Variants in UNC13C observed in about 807,000 individuals in gnomAD.
UNC13C encodes protein unc-13 homolog C.
UNC13C carries 174 observed loss-of-function variants against 245.4 expected under a neutral mutation model. The ratio of observed to expected loss-of-function variants is 0.71; its 90% CI spans 0.63 to 0.80. The LOEUF (loss-of-function observed/expected upper bound fraction) is 0.80, where lower values mean the gene tolerates loss of function less well. Ranked by LOEUF, UNC13C falls within the 30% of genes least tolerant of loss-of-function variation. The probability of loss-of-function intolerance (pLI) is 0.00; values close to 1 mark genes in which losing one functional copy is unlikely to be tolerated. For missense variants in UNC13C, 2,829 were observed against 2,602.9 expected (o/e 1.09, Z -1.89); for synonymous variants, 992 against 895.1 (o/e 1.11, Z -1.93).
the UNC13C span, among the ~76,000 whole-genome samples, chr15:53,872,246 T>C: frequency 6.6e-6 from 1 of 152,080 alleles, no homozygotes; most frequent in African/African-American, 2.4e-5. Flanking sequence ...GAGGAATATG[T>C]CAGATAGGGA....
At chr15:54,201,647 T>C (rs567918739) in intron 4 of UNC13C, among the ~76,000 whole-genome samples, 8 of 151,976 alleles carry the variant, frequency 5.3e-5, no homozygotes, top group African/African-American at 1.9e-4. Context: ...GCAAAATTGT[T>C]ATAGAAGGGA....
chr15:53,849,489 C>T, the UNC13C span, among the ~76,000 whole-genome samples: 1 of 152,026 alleles, frequency 6.6e-6, no homozygotes, highest in Middle Eastern at 3.2e-3. Context: ...GTCCATTCTA[C>T]TTTTTAGAAC....
the UNC13C span, among the ~76,000 whole-genome samples, chr15:53,957,476 C>A: frequency 3.3e-4 from 50 of 152,202 alleles, no homozygotes; most frequent in East Asian, 8.5e-3. Context: ...GGCAGTGGTT[C>A]CATTTCTTTT....
intron 30 of UNC13C, among the ~76,000 whole-genome samples, chr15:54,579,691 A>G (rs1898117162): frequency 6.6e-6 from 1 of 152,140 alleles, no homozygotes; most frequent in Non-Finnish European, 1.5e-5. Context: ...CCTGGAAGGC[A>G]GAGGTTGCAG....
chr15:54,606,584 G>A (rs1899778559), intron 30 of UNC13C, among the ~76,000 whole-genome samples: 2 of 152,212 alleles, frequency 1.3e-5, no homozygotes, highest in African/African-American at 4.8e-5. Flanking sequence ...TTAACCACCA[G>A]TGTTTGACGA....
chr15:54,197,873 A>G (rs2034406483), intron 4 of UNC13C, among the ~76,000 whole-genome samples: 1 of 152,108 alleles, frequency 6.6e-6, no homozygotes, highest in Non-Finnish European at 1.5e-5. Flanking sequence ...CTGAGACACC[A>G]AAAATCTGTG....
chr15:54,092,474 A>G (rs1462951689), intron 2 of UNC13C, among the ~76,000 whole-genome samples: 1 of 152,118 alleles, frequency 6.6e-6, no homozygotes, highest in African/African-American at 2.4e-5. Context: ...TTCTCATAAC[A>G]CAGTGAGGTA....
intron 17 of UNC13C, among the ~76,000 whole-genome samples, chr15:54,361,077 A>G (rs2140863866): frequency 6.6e-6 from 1 of 152,240 alleles, no homozygotes; most frequent in South Asian, 2.1e-4. Context: ...CATCTCCATT[A>G]GGAATTTTTA....
At chr15:54,017,306 A>G (rs576979994) in intron 2 of UNC13C, among the ~76,000 whole-genome samples, 1 of 152,274 alleles carries the variant, frequency 6.6e-6, no homozygotes, top group African/African-American at 2.4e-5. Context: ...TGCAAATGTA[A>G]TGCATATGGT....
chr15:54,117,767 G>A (rs191905488), intron 2 of UNC13C, among the ~76,000 whole-genome samples: 94 of 152,138 alleles, frequency 6.2e-4, no homozygotes, highest in African/African-American at 2.2e-3. Context: ...TTTTTGTAGA[G>A]ATGGGATTTT....
chr15:54,526,740 G>GAA (rs1164016477), intron 25 of UNC13C, among the ~76,000 whole-genome samples: 2,462 of 62,968 alleles, frequency 0.039, 186 homozygotes, highest in African/African-American at 0.14. Flanking sequence ...ACTCCGTCTA[G>GAA]AAAAAAAAAA....
intron 10 of UNC13C, among the ~76,000 whole-genome samples, chr15:54,269,668 G>A (rs62011966): frequency 0.077 from 11,640 of 152,100 alleles, 525 homozygotes; most frequent in African/African-American, 0.12. Flanking sequence ...GTTCCCACCA[G>A]ACTGGCTAAA....
chr15:54,093,211 A>G (rs1210311597), intron 2 of UNC13C, among the ~76,000 whole-genome samples: 1 of 150,720 alleles, frequency 6.6e-6, no homozygotes, highest in Non-Finnish European at 1.5e-5. Flanking sequence ...AAAAGCCAAA[A>G]TCAATCTTGT....
the UNC13C span, among the ~76,000 whole-genome samples, chr15:53,899,493 A>G: frequency 6.6e-6 from 1 of 152,204 alleles, no homozygotes; most frequent in South Asian, 2.1e-4. Flanking sequence ...CTCTTCCTGA[A>G]TTTCAAGAGA....
intron 22 of UNC13C, among the ~76,000 whole-genome samples, chr15:54,502,176 C>T (rs911089622): frequency 1.3e-5 from 2 of 152,080 alleles, no homozygotes; most frequent in Non-Finnish European, 1.5e-5. Flanking sequence ...ATGCCTCACT[C>T]GCACACACTA....
intron 18 of UNC13C, among the ~76,000 whole-genome samples, chr15:54,406,316 T>C (rs889041533): frequency 6.6e-6 from 1 of 152,174 alleles, no homozygotes; most frequent in African/African-American, 2.4e-5. Context: ...TAAGGATGCT[T>C]CTTTCTTTCC....
chr15:54,591,786 A>G (rs1015807179), intron 30 of UNC13C, among the ~76,000 whole-genome samples: 19 of 151,750 alleles, frequency 1.3e-4, no homozygotes, highest in Non-Finnish European at 2.5e-4. Context: ...ATTTGTTTCA[A>G]TTGCATTTAG....
intron 10 of UNC13C, among the ~76,000 whole-genome samples, chr15:54,279,749 C>T (rs562305904): frequency 1.3e-5 from 2 of 152,282 alleles, no homozygotes; most frequent in East Asian, 3.9e-4. Flanking sequence ...TATTTATTAT[C>T]TCCCTAGAGG....
At chr15:53,862,677 C>G in the UNC13C span, among the ~76,000 whole-genome samples, 1 of 152,098 alleles carries the variant, frequency 6.6e-6, no homozygotes, top group Non-Finnish European at 1.5e-5. Context: ...ACCGACTGTT[C>G]TGGTTGCTAC....
Sources: allele counts gnomAD v4.1 joint callset (sites outside exome capture counted in the v4.1 genomes callset), GRCh38; gene constraint gnomAD v4.1.1; transcripts MANE v1.5; gene names NCBI Gene and HGNC (gene_info 2026-07-23, HGNC 2026-07-21).